Variants in SPART observed in about 807,000 individuals in gnomAD.
SPART encodes spastic paraplegia 20 (Troyer syndrome).
In SPART, 35 loss-of-function variants were observed where a neutral mutation model predicts 58.7. That is an observed-to-expected ratio of 0.60 (90% confidence interval 0.46 to 0.79). The LOEUF (loss-of-function observed/expected upper bound fraction) is 0.79, where lower values mean the gene tolerates loss of function less well. SPART is among the 30% of genes least tolerant of loss of function. SPART has a pLI of 0.00. For synonymous variants in SPART, 284 were observed against 280.7 expected (o/e 1.01, Z -0.12); for missense variants, 730 against 786.1 (o/e 0.93, Z 0.85).
upstream of SPART, among the ~76,000 whole-genome samples, chr13:36,346,993 T>G (rs1885190322): frequency 6.6e-6 from 1 of 152,230 alleles, no homozygotes; most frequent in Admixed American, 6.5e-5. Flanking sequence ...TTGGTGTGTG[T>G]GTAAAGTCTA....
In SPART at chr13:36,304,079, AC is replaced by A. The variant is rs570720520; in HGVS notation, c.*285del. On this transcript the variant is annotated 3_prime_UTR_variant, in exon 9 of 9. Coordinates refer to ENST00000438666, the MANE Select transcript of SPART (RefSeq NM_015087.5). ...CAATATTAGGTTTAACAAGGTTTGA[AC>A]AACACATGTACTATCAGCTTTATTT... The A allele has an allele frequency of 2.9e-4, 130 of 447,208 alleles. 1 individual carries two copies. The East Asian group carries it at 5.2e-3, about 18-fold the overall frequency. 27.7% of individuals were successfully genotyped at this position (447,208 alleles called of 1,614,324 possible).
At position 36,327,727 on chromosome 13, in the gene SPART, C is replaced by T. The variant is rs547327139; in HGVS notation, c.1165-1029G>A. Among the ~76,000 whole-genome samples, 17 of 152,228 alleles carry T rather than the reference C, an allele frequency of 1.1e-4. No homozygotes were observed. In the South Asian group the frequency reaches 3.5e-3, roughly 32 times the overall value. The stretch of plus-strand genomic sequence containing the variant: ...CTGAGGGCAGGCATGCTGGCTCATG[C>T]CTGTAATCCCAGCACTTTGGGAGGC... On this transcript the variant is annotated intron_variant, in intron 4 of 8. Coordinates refer to ENST00000438666, the MANE Select transcript of SPART (RefSeq NM_015087.5).
upstream of SPART, among the ~76,000 whole-genome samples, chr13:36,350,649 T>TA (rs894586651): frequency 6.6e-6 from 1 of 152,022 alleles, no homozygotes; most frequent in Non-Finnish European, 1.5e-5. Flanking sequence ...CAGATCCTTC[T>TA]AAAAAAAATA....
upstream of SPART, among the ~76,000 whole-genome samples, chr13:36,351,328 T>A (rs897015543): frequency 9.2e-5 from 14 of 152,068 alleles, no homozygotes; most frequent in Non-Finnish European, 1.8e-4. Flanking sequence ...AAAAAAAGTT[T>A]GCACTCAATA....
chr13:36,366,390 C>T lies in SPART; in HGVS notation c.-3+3699G>A, dbSNP rs375933241. On this transcript the variant is annotated intron_variant, in intron 1 of 8. Coordinates refer to the SPART transcript ENST00000355182. Reference sequence around the variant, plus strand: ...AGCACCACATCACTTACCTGGTATACCTCCCTGTATCCTCTACACTTCCTC... The same window carrying T: ...AGCACCACATCACTTACCTGGTATATCTCCCTGTATCCTCTACACTTCCTC... Among the ~76,000 whole-genome samples the T allele has an allele frequency of 1.2e-4, 18 of 152,276 alleles. No homozygotes were observed. In the East Asian group the frequency reaches 2.3e-3, roughly 20 times the overall value.
chr13:36,354,242 C>T (rs892967835), intron 1 of SPART, among the ~76,000 whole-genome samples: 4 of 152,128 alleles, frequency 2.6e-5, no homozygotes, highest in African/African-American at 4.8e-5. Context: ...GATGTTCTAC[C>T]ATGAGCATCC....
intron 1 of SPART, 88 bp from the exon 2 acceptor site, chr13:36,335,920 A>G: frequency 1.9e-6 from 2 of 1,050,450 alleles, no homozygotes; most frequent in South Asian, 2.5e-5. Flanking sequence ...TTTTAAGAGG[A>G]CAAGTGCCTC....
chr13:36,367,386 C>T (rs1432502553), intron 1 of SPART, among the ~76,000 whole-genome samples: 3 of 152,084 alleles, frequency 2.0e-5, no homozygotes, highest in Non-Finnish European at 2.9e-5. Flanking sequence ...TCGCAGTTTA[C>T]GTGAATGACA....
intron 5 of SPART, among the ~76,000 whole-genome samples, chr13:36,323,763 C>T (rs911187289): frequency 4.6e-5 from 7 of 152,066 alleles, no homozygotes; most frequent in East Asian, 1.9e-4. Flanking sequence ...GAGACATATA[C>T]GCTGATAGGC....
intron 2 of SPART, among the ~76,000 whole-genome samples, chr13:36,333,127 T>C (rs1222032304): frequency 2.6e-5 from 4 of 152,168 alleles, no homozygotes; most frequent in East Asian, 1.9e-4. Flanking sequence ...CAACACTTTA[T>C]AGACCTTTCC....
chr13:36,326,419 A>G (rs1882938353), intron 5 of SPART, 156 bp downstream of exon 5: 1 of 839,176 alleles, frequency 1.2e-6, no homozygotes, highest in Non-Finnish European at 1.8e-6. Context: ...CTGATGTTTC[A>G]AAAGACTAGT....
Position 36,326,413 on chromosome 13 carries a change from T to C in SPART, c.1288+162A>G. ...TTTATACTTATATGACAATATCTGA[T>C]GTTTCAAAAGACTAGTTCCTTCTAC... On this transcript the variant is annotated intron_variant, in intron 5 of 8. Coordinates refer to ENST00000438666, the MANE Select transcript of SPART (RefSeq NM_015087.5). 3 of 763,504 alleles carry C rather than the reference T, an allele frequency of 3.9e-6. No homozygotes were observed. In the East Asian group the frequency reaches 8.3e-5, roughly 21 times the overall value. The allele number at this position is 763,504 out of a possible 1,614,324, so 47.3% of individuals were successfully genotyped here.
chr13:36,302,088 G>C lies in SPART; in HGVS notation c.*2277C>G, dbSNP rs1257404058. 6.6e-6 allele frequency: 1 copy of C among 152,046 alleles called. No individual in the cohort carries two copies. Among genetic ancestry groups the C allele is most frequent in the African/African-American group, 2.4e-5 (1 of 41,392 alleles). 9.4% of individuals were successfully genotyped at this position (152,046 alleles called of 1,614,324 possible). On this transcript the variant is annotated 3_prime_UTR_variant, in exon 9 of 9. Transcript: ENST00000438666. ...AACATACATGTGTGATTAAAAAATG[G>C]CAAGGAACAATAAAAAATGACATGG...
rs1885741799 is a variant in SPART at position 36,359,206 on chromosome 13, C to T, written c.-3+10883G>A. Among the ~76,000 whole-genome samples, 2 of 152,176 alleles carry T rather than the reference C, an allele frequency of 1.3e-5. 1 individual carries two copies. The highest frequency in any genetic ancestry group is 4.1e-4 in the South Asian group (2 of 4,832). On this transcript the variant is annotated intron_variant, in intron 1 of 8. Coordinates refer to the SPART transcript ENST00000355182. ...AGCATGATTAGTTTCCCTATATTGC[C>T]TTTAAACTCCTCCCCCACAAAATTA... is the stretch of plus-strand genomic sequence containing the variant.
At chr13:36,323,391 C>T (rs1354301264) in intron 5 of SPART, among the ~76,000 whole-genome samples, 3 of 152,222 alleles carry the variant, frequency 2.0e-5, no homozygotes, top group Non-Finnish European at 4.4e-5. Flanking sequence ...TACTGCATAG[C>T]CGCTGCCTTC....
chr13:36,323,516 T>C (rs1425688151), intron 5 of SPART, among the ~76,000 whole-genome samples: 2 of 152,218 alleles, frequency 1.3e-5, no homozygotes, highest in African/African-American at 2.4e-5. Context: ...TAGTGATCTT[T>C]ACTTATTCTT....
chr13:36,358,046 A>T (rs950239418), intron 1 of SPART, among the ~76,000 whole-genome samples: 1 of 152,202 alleles, frequency 6.6e-6, no homozygotes, highest in Non-Finnish European at 1.5e-5. Context: ...ATAGCTGATT[A>T]CCAGGAACAC....
chr13:36,332,833 GTTAT>G (rs1309900468), intron 2 of SPART, among the ~76,000 whole-genome samples: 1 of 151,974 alleles, frequency 6.6e-6, no homozygotes, highest in African/African-American at 2.4e-5. Context: ...CATTTGAGTA[GTTAT>G]TTATTTTAAT....
intron 1 of SPART, among the ~76,000 whole-genome samples, chr13:36,341,814 A>G (rs1458331928): frequency 6.6e-6 from 1 of 152,184 alleles, no homozygotes; most frequent in Non-Finnish European, 1.5e-5. Flanking sequence ...AGAAAATACC[A>G]TATACAATTG....
Sources: gnomAD v4.1 joint callset for allele counts (sites outside exome capture counted in the v4.1 genomes callset) on GRCh38, gnomAD v4.1.1 for gene constraint, MANE v1.5 for transcripts, NCBI Gene and HGNC (gene_info 2026-07-23, HGNC 2026-07-21) for gene names.